The following RERE variants were observed in gnomAD, a reference collection of about 807,000 sequenced individuals.
The protein encoded by RERE is arginine-glutamic acid dipeptide repeats protein.
Under a neutral mutation model 146.1 loss-of-function variants are expected in RERE, and 40 were observed. The ratio of observed to expected loss-of-function variants is 0.27; its 90% confidence interval spans 0.21 to 0.36. The LOEUF is 0.36. Among genes scored for constraint, RERE ranks in the 10% least tolerant of loss-of-function variants. RERE has a pLI of 1.00. For synonymous variants in RERE, 1,003 were observed against 866.0 expected, an observed-to-expected ratio of 1.16 and a Z score of -2.78; for missense variants, 1,933 against 2,138.7, an observed-to-expected ratio of 0.90 and a Z score of 1.90.
At chr1:8,550,528 T>G (rs746059423) in intron 6 of RERE, among the ~76,000 whole-genome samples, 23 of 152,010 alleles carry the variant, frequency 1.5e-4, no homozygotes, top group South Asian at 4.1e-4. Context: ...AAGGGTGTTT[T>G]TTGTTGTTGT....
chr1:8,770,732 TA>T (rs1378622697), intron 1 of RERE, among the ~76,000 whole-genome samples: 2 of 152,250 alleles, frequency 1.3e-5, no homozygotes, highest in African/African-American at 4.8e-5. Flanking sequence ...CAATTTCTAC[TA>T]AAATCTAAAA....
intron 10 of RERE, among the ~76,000 whole-genome samples, chr1:8,490,053 C>CAA (rs1252869517): frequency 2.8e-3 from 203 of 71,250 alleles, no homozygotes; most frequent in African/African-American, 9.9e-3. Flanking sequence ...GACTCTGTCT[C>CAA]AAAAAAAAAA....
intron 12 of RERE, among the ~76,000 whole-genome samples, chr1:8,422,311 A>G (rs1643921526): frequency 6.6e-6 from 1 of 152,242 alleles, no homozygotes; most frequent in Non-Finnish European, 1.5e-5. Context: ...CCCAGAACTC[A>G]AAGTATAATA....
At chr1:8,610,504 G>A (rs890341986) in intron 4 of RERE, among the ~76,000 whole-genome samples, 5 of 151,984 alleles carry the variant, frequency 3.3e-5, no homozygotes, top group African/African-American at 4.8e-5. Context: ...CAGGAGAATC[G>A]CTTGAACCCG....
At chr1:8,528,749 T>G (rs560712310) in intron 7 of RERE, among the ~76,000 whole-genome samples, 1 of 152,296 alleles carries the variant, frequency 6.6e-6, no homozygotes, top group Non-Finnish European at 1.5e-5. Context: ...AACACTCTTC[T>G]AACCCCAAGC....
intron 12 of RERE, among the ~76,000 whole-genome samples, chr1:8,388,527 G>A (rs1242392310): frequency 6.6e-6 from 1 of 152,046 alleles, no homozygotes; most frequent in Non-Finnish European, 1.5e-5. Flanking sequence ...CACCTTGTTA[G>A]CCAGGATGGT....
At chr1:8,749,222 A>G (rs929688899) in intron 1 of RERE, among the ~76,000 whole-genome samples, 8 of 152,208 alleles carry the variant, frequency 5.3e-5, no homozygotes, top group African/African-American at 1.7e-4. Flanking sequence ...CAACTTCACT[A>G]TAATGGTAGA....
rs894735520 is a variant in RERE, at chr1:8,616,600, CATAT to C, written c.397-1918_397-1915del. On this transcript the variant is annotated intron_variant, in intron 3 of 22. Transcript: ENST00000400908. ...GTTTTCTGCATTGAAAAAAATTTCACATATAGATAACAATTTTAGTAAATAACAT... is the reference window on the plus strand; with the variant it reads ...GTTTTCTGCATTGAAAAAAATTTCACAGATAACAATTTTAGTAAATAACAT... Among the ~76,000 whole-genome samples the C allele has an allele frequency of 4.5e-4, 69 of 152,158 alleles. 1 individual carries two copies. The highest frequency in any genetic ancestry group is 1.5e-3 in the African/African-American group (64 of 41,520).
At chr1:8,584,024 T>A (rs891905696) in intron 4 of RERE, among the ~76,000 whole-genome samples, 1 of 152,018 alleles carries the variant, frequency 6.6e-6, no homozygotes, top group African/African-American at 2.4e-5. Context: ...ATGCTAAAGA[T>A]ATTATTAAAT....
intron 11 of RERE, among the ~76,000 whole-genome samples, chr1:8,431,929 C>T (rs1045590140): frequency 3.9e-4 from 59 of 152,096 alleles, no homozygotes; most frequent in East Asian, 9.6e-4. Context: ...CATCAGTCAC[C>T]ATGCCCTCTA....
intron 1 of RERE, among the ~76,000 whole-genome samples, chr1:8,736,652 A>G (rs1236205058): frequency 6.6e-6 from 1 of 152,178 alleles, no homozygotes; most frequent in Non-Finnish European, 1.5e-5. Context: ...GGCTTATATC[A>G]TAGAAGAACA....
At chr1:8,600,012 C>T (rs968347952) in intron 4 of RERE, among the ~76,000 whole-genome samples, 2 of 152,172 alleles carry the variant, frequency 1.3e-5, no homozygotes, top group African/African-American at 4.8e-5. Context: ...GTGCCAAGGA[C>T]GGGGGCTGGG....
chr1:8,744,985 C>A (rs1640391911), intron 1 of RERE, among the ~76,000 whole-genome samples: 1 of 152,156 alleles, frequency 6.6e-6, no homozygotes, highest in Admixed American at 6.5e-5. Flanking sequence ...CAAGTGGGTC[C>A]ATGAATAGAA....
chr1:8,470,952 G>A (rs1644676051), intron 10 of RERE, among the ~76,000 whole-genome samples: 1 of 146,264 alleles, frequency 6.8e-6, no homozygotes, highest in African/African-American at 2.5e-5. Context: ...CCGAGTACCT[G>A]GGACTACAGG....
At chr1:8,422,603 G>A (rs1643925682) in intron 12 of RERE, 124 bp downstream of exon 12, 2 of 671,572 alleles carry the variant, frequency 3.0e-6, no homozygotes, top group Non-Finnish European at 2.7e-6. Context: ...AGAGAATTCT[G>A]GAGGCCAGCC....
intron 12 of RERE, among the ~76,000 whole-genome samples, chr1:8,370,460 A>C (rs1641994276): frequency 6.6e-6 from 1 of 152,254 alleles, no homozygotes; most frequent in Non-Finnish European, 1.5e-5. Flanking sequence ...CTGTGTACTT[A>C]AAGTGGGTGC....
chr1:8,805,013 T>TTTTTTG (rs1641661629), intron 1 of RERE, among the ~76,000 whole-genome samples: 2 of 140,002 alleles, frequency 1.4e-5, no homozygotes, highest in African/African-American at 5.3e-5. Flanking sequence ...TTTTGGTTTT[T>TTTTTTG]TTTTTTTTTT....
At chr1:8,712,693 A>G (rs2124460382) in intron 1 of RERE, among the ~76,000 whole-genome samples, 1 of 152,276 alleles carries the variant, frequency 6.6e-6, no homozygotes, top group African/African-American at 2.4e-5. Flanking sequence ...CCTAGCAAAG[A>G]TCAGACATGA....
chr1:8,650,988 T>TC (rs1647599371), intron 2 of RERE, among the ~76,000 whole-genome samples: 1 of 151,944 alleles, frequency 6.6e-6, no homozygotes. Context: ...TCCCAGCTAC[T>TC]CAGGAGGCTG....
Sources: allele counts gnomAD v4.1 joint callset (sites outside exome capture counted in the v4.1 genomes callset), GRCh38; gene constraint gnomAD v4.1.1; transcripts MANE v1.5; gene names NCBI Gene and HGNC (gene_info 2026-07-23, HGNC 2026-07-21).